BCAR3: variants seen among roughly 807,000 people sequenced by gnomAD.
BCAR3 encodes BCAR3 adaptor protein, NSP family member.
Under a neutral mutation model 80.1 loss-of-function variants are expected in BCAR3, and 37 were observed. The observed-to-expected ratio is 0.46, with a 90% confidence interval of 0.36 to 0.61. The LOEUF (loss-of-function observed/expected upper bound fraction) is 0.61, where lower values mean the gene tolerates loss of function less well. BCAR3 is among the 20% of genes least tolerant of loss of function. The pLI is 0.00. For missense variants in BCAR3, 978 were observed against 1,068.2 expected (o/e 0.92, Z 1.18); for synonymous variants, 389 against 418.9 (o/e 0.93, Z 0.87).
chr1:93,595,896 G>A (rs543987694), intron 3 of BCAR3, among the ~76,000 whole-genome samples: 1 of 152,352 alleles, frequency 6.6e-6, no homozygotes, highest in Middle Eastern at 3.4e-3. Context: ...CATACAACCT[G>A]AATTACTGGT....
chr1:93,825,704 G>T (rs1185192223), intron 2 of BCAR3, among the ~76,000 whole-genome samples: 1 of 152,026 alleles, frequency 6.6e-6, no homozygotes, highest in African/African-American at 2.4e-5. Flanking sequence ...TTGCCGACCA[G>T]CCCCCAGGCC....
chr1:93,724,230 T>TG (rs1001052086), intron 2 of BCAR3, among the ~76,000 whole-genome samples: 2 of 152,064 alleles, frequency 1.3e-5, no homozygotes, highest in Non-Finnish European at 2.9e-5. Flanking sequence ...CGCTGGTGGC[T>TG]GGGGGGTCCA....
chr1:93,614,061 C>CG, intron 3 of BCAR3: 1 of 1,444,182 alleles, frequency 6.9e-7, no homozygotes, highest in Non-Finnish European at 9.1e-7. Context: ...AGTCGGCAGC[C>CG]GGGGGAGTGA....
chr1:93,666,701 C>T (rs1647930970), intron 2 of BCAR3, among the ~76,000 whole-genome samples: 1 of 152,320 alleles, frequency 6.6e-6, no homozygotes, highest in African/African-American at 2.4e-5. Context: ...GCTCGGGGCC[C>T]GTTCACTGAA....
intron 3 of BCAR3, among the ~76,000 whole-genome samples, chr1:93,635,262 AAAT>A (rs1331384870): frequency 1.4e-5 from 2 of 143,598 alleles, no homozygotes; most frequent in Non-Finnish European, 2.9e-5. Flanking sequence ...CTTTAAGGTT[AAAT>A]AATATGCCAT....
chr1:93,812,690 T>C (rs1290795237), intron 2 of BCAR3, among the ~76,000 whole-genome samples: 1 of 152,240 alleles, frequency 6.6e-6, no homozygotes, highest in Non-Finnish European at 1.5e-5. Context: ...TGGACCTCTT[T>C]GATTGTGACT....
Position 93,600,449 on chromosome 1 carries a change from G to A in BCAR3, c.358-8056C>T, listed in dbSNP as rs3754196. ...TGGGCAAGGGTCCTGCCATTATGAA[G>A]TGGGTTCCAAGAGTCAGCAGAGTTG... On this transcript the variant is annotated intron_variant, in intron 3 of 11. Coordinates refer to ENST00000260502, the MANE Select transcript of BCAR3 (RefSeq NM_003567.4). Among the ~76,000 whole-genome samples the A allele has an allele frequency of 3.9e-5, 6 of 152,344 alleles. 1 individual carries two copies. Among genetic ancestry groups the A allele is most frequent in the Middle Eastern group, 3.4e-3 (1 of 294 alleles).
chr1:93,692,713 C>T (rs2101964875), intron 3 of BCAR3, among the ~76,000 whole-genome samples: 1 of 152,300 alleles, frequency 6.6e-6, no homozygotes, highest in African/African-American at 2.4e-5. Context: ...ACTTCATCTC[C>T]CAGTGTGAAC....
chr1:93,738,623 G>C (rs576644600), intron 2 of BCAR3, among the ~76,000 whole-genome samples: 70 of 152,300 alleles, frequency 4.6e-4, no homozygotes, highest in African/African-American at 1.6e-3. Flanking sequence ...CCCCATCAGA[G>C]GGCTGGGCAG....
chr1:93,710,076 T>C (rs12022435), intron 2 of BCAR3, among the ~76,000 whole-genome samples: 28,039 of 152,170 alleles, frequency 0.18, 2,947 homozygotes, highest in South Asian at 0.38. Flanking sequence ...ACGAAATCCA[T>C]GAGAGAATGA....
At chr1:93,818,634 A>G (rs1376167664) in intron 2 of BCAR3, among the ~76,000 whole-genome samples, 1 of 152,234 alleles carries the variant, frequency 6.6e-6, no homozygotes, top group Non-Finnish European at 1.5e-5. Flanking sequence ...GTATTTACTG[A>G]GGACCAGGCA....
At chr1:93,684,769 G>A (rs1268039714), upstream of BCAR3, among the ~76,000 whole-genome samples, 1 of 152,102 alleles carries the variant, frequency 6.6e-6, no homozygotes, top group Non-Finnish European at 1.5e-5. Flanking sequence ...TCGCTTCTTT[G>A]CCCAGGCTGG....
chr1:93,823,930 C>A (rs1279898850), intron 2 of BCAR3, among the ~76,000 whole-genome samples: 1 of 133,390 alleles, frequency 7.5e-6, no homozygotes, highest in Non-Finnish European at 1.7e-5. Flanking sequence ...AATCTCCTGA[C>A]CTCGTGATCC....
chr1:93,567,557 A>ACT, intron 10 of BCAR3, 66 bp from the exon 11 acceptor site: 1 of 1,550,214 alleles, frequency 6.5e-7, no homozygotes, highest in Non-Finnish European at 8.8e-7. Flanking sequence ...GAATGAGGTG[A>ACT]CTCATAGCCC....
chr1:93,667,114 C>T (rs1447095498), intron 2 of BCAR3, among the ~76,000 whole-genome samples: 3 of 152,198 alleles, frequency 2.0e-5, no homozygotes, highest in African/African-American at 7.2e-5. Context: ...ACAAAGCTAC[C>T]AAGTCAGGCT....
intron 3 of BCAR3, among the ~76,000 whole-genome samples, chr1:93,698,658 T>C (rs552347230): frequency 3.3e-5 from 5 of 152,268 alleles, no homozygotes; most frequent in South Asian, 2.1e-4. Flanking sequence ...GGGTGGAGGA[T>C]ACTTGATAAA....
At position 93,589,133 on chromosome 1, in the gene BCAR3, G is replaced by C. The variant is rs1283735442; in HGVS notation, c.773C>G (p.Pro258Arg). Residue 258 changes from proline to arginine, a missense_variant, in exon 5 of 12, where the codon CCT becomes CGT. Physicochemically the swap from Pro to Arg is moderately radical, Grantham distance 103. Transcript: ENST00000260502. ...ATAATGCTCCTCCAGGCACCGCAGA[G>C]GCACCGTCCTGTTGATGGGCTGGAA... ...IIFQPINRTV[P>R]LRCLEEHYGT... is the part of the protein sequence containing the mutation. 1 of 1,613,462 alleles carries C rather than the reference G, an allele frequency of 6.2e-7. No homozygotes were observed. Among genetic ancestry groups the C allele is most frequent in the South Asian group, 1.1e-5 (1 of 91,002 alleles).
At chr1:93,689,730 T>A (rs1473491554) in intron 3 of BCAR3, among the ~76,000 whole-genome samples, 1 of 152,144 alleles carries the variant, frequency 6.6e-6, no homozygotes, top group Non-Finnish European at 1.5e-5. Context: ...TCAGTTTAGA[T>A]GCTTCAGGCT....
At chr1:93,739,886 A>G (rs1651118175) in intron 2 of BCAR3, among the ~76,000 whole-genome samples, 1 of 152,106 alleles carries the variant, frequency 6.6e-6, no homozygotes, top group South Asian at 2.1e-4. Context: ...AATATAAAAA[A>G]TTAGCCAGGC....
Sources: gnomAD v4.1 joint callset for allele counts (sites outside exome capture counted in the v4.1 genomes callset) on GRCh38, gnomAD v4.1.1 for gene constraint, MANE v1.5 for transcripts, NCBI Gene and HGNC (gene_info 2026-07-23, HGNC 2026-07-21) for gene names.